The following PRR16 variants were observed in gnomAD, a reference collection of about 807,000 sequenced individuals.
PRR16 encodes the protein proline rich 16.
A neutral mutation model predicts 18.2 loss-of-function variants in PRR16; 6 were observed. The observed-to-expected ratio is 0.33, with a 90% CI of 0.18 to 0.65. PRR16 has a LOEUF of 0.65. PRR16 is among the 30% of genes least tolerant of loss of function. The probability of loss-of-function intolerance (pLI) is 0.74; values close to 1 mark genes in which losing one functional copy is unlikely to be tolerated. For synonymous variants in PRR16, 151 were observed against 147.8 expected (o/e 1.02, Z -0.16); for missense variants, 412 against 376.6 (o/e 1.09, Z -0.78).
intron 1 of PRR16, among the ~76,000 whole-genome samples, chr5:120,602,768 A>G (rs1437095660): frequency 6.6e-6 from 1 of 151,958 alleles, no homozygotes. Flanking sequence ...AGGGTTTTAA[A>G]CATGCATGGG....
At chr5:120,511,867 T>G (rs1300040306) in intron 1 of PRR16, among the ~76,000 whole-genome samples, 2 of 152,212 alleles carry the variant, frequency 1.3e-5, no homozygotes, top group African/African-American at 4.8e-5. Context: ...CACATCAATT[T>G]GGTTTACCTT....
At chr5:120,595,734 A>G (rs145872129) in intron 1 of PRR16, among the ~76,000 whole-genome samples, 3 of 152,078 alleles carry the variant, frequency 2.0e-5, no homozygotes, top group African/African-American at 7.2e-5. Context: ...GGGTCTTAAT[A>G]GAATTTGTGA....
intron 1 of PRR16, among the ~76,000 whole-genome samples, chr5:120,540,965 G>T (rs1332576912): frequency 6.6e-6 from 1 of 152,186 alleles, no homozygotes; most frequent in African/African-American, 2.4e-5. Flanking sequence ...CTGGAACAGT[G>T]CCATGAGCAT....
chr5:120,777,615 G>A, the PRR16 span, among the ~76,000 whole-genome samples: 1 of 151,298 alleles, frequency 6.6e-6, no homozygotes, highest in Admixed American at 6.6e-5. Context: ...GAGAATCTGA[G>A]AACCATAAAA....
chr5:120,703,308 G>GCA, the PRR16 span, among the ~76,000 whole-genome samples: 1 of 152,192 alleles, frequency 6.6e-6, no homozygotes, highest in African/African-American at 2.4e-5. Context: ...GGGGCAAAGT[G>GCA]TATTCACTTC....
chr5:120,617,468 T>C (rs1310976009), intron 1 of PRR16, among the ~76,000 whole-genome samples: 3 of 152,172 alleles, frequency 2.0e-5, no homozygotes, highest in African/African-American at 7.2e-5. Context: ...AATAATATCA[T>C]AAATTTCAGC....
intron 1 of PRR16, among the ~76,000 whole-genome samples, chr5:120,516,502 C>G (rs1472257719): frequency 6.7e-6 from 1 of 150,152 alleles, no homozygotes; most frequent in Non-Finnish European, 1.5e-5. Context: ...CACACACACA[C>G]ACACACACAC....
the PRR16 span, among the ~76,000 whole-genome samples, chr5:120,779,584 A>G: frequency 0.27 from 41,134 of 151,776 alleles, 5,932 homozygotes; most frequent in Non-Finnish European, 0.32. Flanking sequence ...GTGCAAAATG[A>G]CACAGTATTC....
At chr5:120,495,946 GTT>G (rs1196496716) in intron 1 of PRR16, among the ~76,000 whole-genome samples, 2 of 150,654 alleles carry the variant, frequency 1.3e-5, no homozygotes, top group East Asian at 3.9e-4. Flanking sequence ...ATTAGCTGTA[GTT>G]TTTTTTTGTA....
Position 120,464,397 on chromosome 5 carries a change from C to T in PRR16, c.-90C>T. 1.4e-6 allele frequency: 2 copies of T among 1,396,890 alleles called. No individual in the cohort carries two copies. Among genetic ancestry groups the T allele is most frequent in the Non-Finnish European group, 1.9e-6 (2 of 1,052,790 alleles). 86.5% of individuals were successfully genotyped at this position (1,396,890 alleles called of 1,614,324 possible). Reference sequence around the variant, plus strand: ...CGCCCAAGATGTGGGGGGACCGGGGCGGCAGCGGCCGTAGCAGCGCCAGGG... The same window carrying T: ...CGCCCAAGATGTGGGGGGACCGGGGTGGCAGCGGCCGTAGCAGCGCCAGGG... On this transcript the variant is annotated 5_prime_UTR_variant, in exon 1 of 2. Coordinates refer to ENST00000407149, the MANE Select transcript of PRR16 (RefSeq NM_001300783.2).
chr5:120,577,755 T>A (rs1341593747), intron 1 of PRR16, among the ~76,000 whole-genome samples: 5 of 152,206 alleles, frequency 3.3e-5, no homozygotes, highest in Non-Finnish European at 7.3e-5. Flanking sequence ...ATTTATTGAA[T>A]GATGAACTCT....
At chr5:120,598,386 C>G (rs1375463) in intron 1 of PRR16, among the ~76,000 whole-genome samples, 102,912 of 151,662 alleles carry the variant, frequency 0.68, 35,850 homozygotes, top group East Asian at 0.85. Context: ...TGCCTCCTGT[C>G]TTTTTCTTAT....
chr5:120,701,526 A>T, the PRR16 span, among the ~76,000 whole-genome samples: 1 of 152,186 alleles, frequency 6.6e-6, no homozygotes, highest in African/African-American at 2.4e-5. Flanking sequence ...GGGGAGGGCT[A>T]GTCACGGAAC....
chr5:120,642,969 C>T (rs1486745877), intron 1 of PRR16, among the ~76,000 whole-genome samples: 1 of 152,054 alleles, frequency 6.6e-6, no homozygotes, highest in East Asian at 1.9e-4. Context: ...AGTCTTTCTG[C>T]CCATAGTTAG....
At chr5:120,509,798 A>G (rs1371777223) in intron 1 of PRR16, among the ~76,000 whole-genome samples, 1 of 152,130 alleles carries the variant, frequency 6.6e-6, no homozygotes, top group Non-Finnish European at 1.5e-5. Flanking sequence ...TTCAGTCAGA[A>G]ACTTTCACTA....
intron 1 of PRR16, among the ~76,000 whole-genome samples, chr5:120,677,778 A>G (rs1756846258): frequency 6.6e-6 from 1 of 152,016 alleles, no homozygotes; most frequent in Non-Finnish European, 1.5e-5. Context: ...ATATTTTTTT[A>G]TTAAAAAAGT....
Position 120,686,110 on chromosome 5 carries a change from C to A in PRR16, c.316C>A (p.Pro106Thr), listed in dbSNP as rs746157181. 10 of 1,614,090 alleles carry A rather than the reference C, an allele frequency of 6.2e-6. No homozygotes were observed. The South Asian group carries it at 1.1e-4, about 18-fold the overall frequency. ...KVQANAPLIKPPAHPSAILTV... is the reference protein window; with the variant it reads ...KVQANAPLIKTPAHPSAILTV... ...GCAGGCTAATGCACCGCTTATTAAA[C>A]CCCCAGCACACCCGTCTGCTATCCT... Residue 106 changes from proline to threonine, a missense_variant, in exon 2 of 2, where the codon CCC (proline) becomes ACC (threonine). Transcript: ENST00000407149.
chr5:120,663,387 T>G (rs1756243155), intron 1 of PRR16, among the ~76,000 whole-genome samples: 1 of 152,134 alleles, frequency 6.6e-6, no homozygotes. Context: ...CCTCACTTTT[T>G]ATAAGTAAAA....
intron 1 of PRR16, among the ~76,000 whole-genome samples, chr5:120,486,497 G>GT (rs1168997213): frequency 2.6e-5 from 4 of 151,722 alleles, no homozygotes; most frequent in African/African-American, 7.3e-5. Flanking sequence ...TGATGGGGTT[G>GT]TTTTTTTCCT....
Sources: allele counts gnomAD v4.1 joint callset (sites outside exome capture counted in the v4.1 genomes callset), GRCh38; gene constraint gnomAD v4.1.1; transcripts MANE v1.5; gene names NCBI Gene and HGNC (gene_info 2026-07-23, HGNC 2026-07-21).